Variants in CTBP2 observed in about 807,000 individuals in gnomAD.
CTBP2 encodes C-terminal-binding protein 2.
A neutral mutation model predicts 80.3 loss-of-function variants in CTBP2; 30 were observed. That is an observed-to-expected ratio of 0.37 (90% CI 0.28 to 0.51). CTBP2 has a LOEUF of 0.51. Ranked by LOEUF, CTBP2 falls within the 20% of genes least tolerant of loss-of-function variation. The pLI, the probability that CTBP2 is intolerant of heterozygous loss-of-function variation, is 0.93. For missense variants in CTBP2, 1,212 were observed against 1,375.3 expected (o/e 0.88, Z 1.88); for synonymous variants, 594 against 587.4 (o/e 1.01, Z -0.16).
At chr10:125,033,102 A>C (rs1456361367) in intron 3 of CTBP2, among the ~76,000 whole-genome samples, 1 of 152,156 alleles carries the variant, frequency 6.6e-6, no homozygotes, top group African/African-American at 2.4e-5. Flanking sequence ...CCAGGTTGCA[A>C]ATGGGAAGGG....
chr10:125,115,373 C>A (rs1280788425), intron 1 of CTBP2, among the ~76,000 whole-genome samples: 2 of 152,114 alleles, frequency 1.3e-5, no homozygotes, highest in South Asian at 2.1e-4. Flanking sequence ...ATCCCTTAGG[C>A]GATCAAAAGT....
At chr10:125,045,675 G>C (rs893173294) in intron 2 of CTBP2, among the ~76,000 whole-genome samples, 5 of 152,022 alleles carry the variant, frequency 3.3e-5, no homozygotes, top group Admixed American at 1.3e-4. Flanking sequence ...ATTTTTAGTA[G>C]ACACAGGGTT....
chr10:125,148,848 A>C (rs1318731869), intron 1 of CTBP2, among the ~76,000 whole-genome samples: 1 of 152,250 alleles, frequency 6.6e-6, no homozygotes, highest in Non-Finnish European at 1.5e-5. Context: ...TTGAAGCCTC[A>C]TTCTTAATCC....
chr10:124,994,715 G>C, intron 4 of CTBP2, 32 bp from the exon 7 acceptor site: 1 of 1,608,268 alleles, frequency 6.2e-7, no homozygotes, highest in Non-Finnish European at 8.5e-7. Context: ...AGGTGAGTGA[G>C]TCCACAGCCC....
At chr10:125,023,482 G>A (rs557153547) in intron 1 of CTBP2, among the ~76,000 whole-genome samples, 4 of 152,330 alleles carry the variant, frequency 2.6e-5, no homozygotes, top group East Asian at 3.9e-4. Flanking sequence ...TTGCTGGCTC[G>A]CAGCCACCGC....
chr10:125,113,170 T>C (rs2135947448), intron 1 of CTBP2, among the ~76,000 whole-genome samples: 1 of 152,322 alleles, frequency 6.6e-6, no homozygotes, highest in East Asian at 1.9e-4. Context: ...CTCAGAAGTG[T>C]TAGGAAGGGA....
At chr10:125,105,880 T>A (rs994491367) in intron 2 of CTBP2, among the ~76,000 whole-genome samples, 1 of 152,178 alleles carries the variant, frequency 6.6e-6, no homozygotes, top group South Asian at 2.1e-4. Context: ...CATTTGCACA[T>A]CGGCATCTAC....
chr10:125,012,965 G>T (rs1956096393), intron 1 of CTBP2, among the ~76,000 whole-genome samples: 1 of 152,302 alleles, frequency 6.6e-6, no homozygotes, highest in African/African-American at 2.4e-5. Flanking sequence ...TCAAAACCAG[G>T]ACTGGCTGGT....
intron 1 of CTBP2, among the ~76,000 whole-genome samples, chr10:125,017,828 T>A (rs914077743): frequency 6.6e-6 from 1 of 152,116 alleles, no homozygotes; most frequent in Non-Finnish European, 1.5e-5. Flanking sequence ...GAGCTTGCCA[T>A]GCACACAGCT....
intron 2 of CTBP2, among the ~76,000 whole-genome samples, chr10:125,059,534 A>G (rs1044223996): frequency 6.6e-6 from 1 of 152,154 alleles, no homozygotes; most frequent in Non-Finnish European, 1.5e-5. Flanking sequence ...GTGAGCAGAG[A>G]TTGCATCACT....
intron 2 of CTBP2, among the ~76,000 whole-genome samples, chr10:125,062,967 A>G (rs2135368991): frequency 6.6e-6 from 1 of 152,382 alleles, no homozygotes; most frequent in Non-Finnish European, 1.5e-5. Context: ...TGAACAGACA[A>G]CTATGCTCAG....
chr10:125,116,519 C>T (rs1343378744), intron 1 of CTBP2, among the ~76,000 whole-genome samples: 1 of 152,132 alleles, frequency 6.6e-6, no homozygotes, highest in East Asian at 1.9e-4. Context: ...GTGGGACCCA[C>T]AGAAGCCGAG....
intron 2 of CTBP2, among the ~76,000 whole-genome samples, chr10:125,047,921 T>A (rs931594917): frequency 5.3e-5 from 8 of 152,188 alleles, no homozygotes; most frequent in African/African-American, 1.7e-4. Flanking sequence ...TGATGAGATA[T>A]GAATTTGTAA....
intron 1 of CTBP2, among the ~76,000 whole-genome samples, chr10:125,134,668 C>T (rs1008636678): frequency 1.1e-4 from 17 of 152,108 alleles, no homozygotes; most frequent in Admixed American, 5.9e-4. Flanking sequence ...ACACGCGGCG[C>T]GGGAGGACGA....
At chr10:125,072,353 G>A (rs916197153) in intron 2 of CTBP2, among the ~76,000 whole-genome samples, 5 of 152,086 alleles carry the variant, frequency 3.3e-5, no homozygotes, top group Middle Eastern at 3.4e-3. Context: ...AGTGACTCAC[G>A]TCTGTAATTC....
At chr10:125,076,702 G>A (rs893761118) in intron 2 of CTBP2, among the ~76,000 whole-genome samples, 2 of 152,182 alleles carry the variant, frequency 1.3e-5, no homozygotes, top group East Asian at 1.9e-4. Context: ...CAGTCAGGTC[G>A]GCGTTGTTCT....
intron 1 of CTBP2, among the ~76,000 whole-genome samples, chr10:125,135,852 T>C (rs1591010874): frequency 1.3e-5 from 2 of 152,242 alleles, no homozygotes; most frequent in South Asian, 2.1e-4. Context: ...CAGGTGTGCA[T>C]TTAAGAAGTC....
intron 2 of CTBP2, among the ~76,000 whole-genome samples, chr10:125,063,603 TA>T (rs1027597131): frequency 5.3e-5 from 8 of 152,224 alleles, no homozygotes; most frequent in Admixed American, 6.5e-5. Flanking sequence ...AATTGCCACA[TA>T]AAATTGCTGA....
At chr10:125,104,451 G>A (rs1851139540) in intron 2 of CTBP2, among the ~76,000 whole-genome samples, 1 of 152,138 alleles carries the variant, frequency 6.6e-6, no homozygotes, top group Admixed American at 6.5e-5. Flanking sequence ...GTATACTGCT[G>A]AGAAATTGAT....
Sources: allele counts gnomAD v4.1 joint callset (sites outside exome capture counted in the v4.1 genomes callset), GRCh38; gene constraint gnomAD v4.1.1; transcripts MANE v1.5; gene names NCBI Gene and HGNC (gene_info 2026-07-23, HGNC 2026-07-21).